Variants in CAST observed in about 807,000 individuals in gnomAD.
CAST encodes MIR583 host.
Under a neutral mutation model 119.6 loss-of-function variants are expected in CAST, and 76 were observed. The observed-to-expected ratio is 0.64, with a 90% CI of 0.53 to 0.77. The LOEUF (loss-of-function observed/expected upper bound fraction) is 0.77, where lower values mean the gene tolerates loss of function less well. Ranked by LOEUF, CAST falls within the 30% of genes least tolerant of loss-of-function variation. CAST has a pLI of 0.00. For synonymous variants in CAST, 319 were observed against 331.6 expected, an observed-to-expected ratio of 0.96 and a Z score of 0.41; for missense variants, 953 against 946.5, an observed-to-expected ratio of 1.01 and a Z score of -0.09.
the CAST span, chr5:96,247,926 A>T: frequency 6.6e-6 from 1 of 152,202 alleles, no homozygotes; most frequent in African/African-American, 2.4e-5. Flanking sequence ...GCAGAGATGC[A>T]CTGCTTGGGT....
the CAST span, among the ~76,000 whole-genome samples, chr5:96,451,222 T>A: frequency 1.1e-4 from 16 of 152,216 alleles, no homozygotes; most frequent in Non-Finnish European, 2.9e-5. Flanking sequence ...ATCTACCACC[T>A]CCATACTACT....
At chr5:96,336,356 C>T in the CAST span, among the ~76,000 whole-genome samples, 63 of 152,250 alleles carry the variant, frequency 4.1e-4, no homozygotes, top group South Asian at 2.5e-3. Context: ...ACATTAGAGC[C>T]TTCATGCTTA....
chr5:96,452,976 A>AAAAAAAAAAAGAAG, the CAST span, among the ~76,000 whole-genome samples: 21 of 142,426 alleles, frequency 1.5e-4, no homozygotes, highest in African/African-American at 6.2e-4. Flanking sequence ...AAAAAAAAAA[A>AAAAAAAAAAAGAAG]CAGAAGAAAG....
the CAST span, among the ~76,000 whole-genome samples, chr5:96,096,571 A>C: frequency 3.3e-5 from 5 of 152,304 alleles, no homozygotes; most frequent in Non-Finnish European, 7.4e-5. Context: ...TCACTACCCA[A>C]ACCTCTCTGT....
At chr5:96,456,273 G>GAAA in the CAST span, among the ~76,000 whole-genome samples, 9 of 152,136 alleles carry the variant, frequency 5.9e-5, no homozygotes, top group Admixed American at 1.3e-4. Flanking sequence ...TTTAATGCTG[G>GAAA]AAACTAAATC....
the CAST span, among the ~76,000 whole-genome samples, chr5:96,038,674 A>T: frequency 3.3e-5 from 5 of 152,076 alleles, no homozygotes; most frequent in Non-Finnish European, 5.9e-5. Context: ...TTCCAGCTTC[A>T]TCCATGTCCC....
In CAST at chr5:96,734,215, G is replaced by T. The variant is rs544123496; in HGVS notation, c.631-1957G>T. Among the ~76,000 whole-genome samples, 7 of 152,326 alleles carry T rather than the reference G, an allele frequency of 4.6e-5. 1 individual carries two copies. Among genetic ancestry groups the T allele is most frequent in the African/African-American group, 1.7e-4 (7 of 41,578 alleles). ...CACAGAGGAAGTGAATGGTGGGGCTGTAAGACCAGAAAGACAGGTTGAGCA... is the reference window on the plus strand; with the variant it reads ...CACAGAGGAAGTGAATGGTGGGGCTTTAAGACCAGAAAGACAGGTTGAGCA... On this transcript the variant is annotated intron_variant, in intron 9 of 31. Transcript: ENST00000675179.
chr5:96,680,387 A>T (rs1229867287), intron 2 of CAST, among the ~76,000 whole-genome samples: 3 of 145,990 alleles, frequency 2.1e-5, no homozygotes, highest in Non-Finnish European at 4.5e-5. Flanking sequence ...AAAGAAGAAG[A>T]AGAAAAGAAA....
intron 1 of CAST, among the ~76,000 whole-genome samples, chr5:96,580,407 A>G (rs1746749526): frequency 6.6e-6 from 1 of 152,270 alleles, no homozygotes; most frequent in Non-Finnish European, 1.5e-5. Context: ...AAAACCAAAT[A>G]GAGAACTTCG....
the CAST span, among the ~76,000 whole-genome samples, chr5:96,278,097 G>C: frequency 6.6e-6 from 1 of 152,004 alleles, no homozygotes; most frequent in South Asian, 2.1e-4. Flanking sequence ...GAGTCTGAGA[G>C]TGGGATTTAG....
chr5:96,605,416 G>A (rs1405161893), intron 1 of CAST, among the ~76,000 whole-genome samples: 2 of 152,192 alleles, frequency 1.3e-5, no homozygotes, highest in East Asian at 3.8e-4. Context: ...AGCTGATAAT[G>A]TGCAAAGCCA....
At chr5:96,511,792 C>A in the CAST span, among the ~76,000 whole-genome samples, 3 of 152,234 alleles carry the variant, frequency 2.0e-5, no homozygotes, top group African/African-American at 7.2e-5. Context: ...CAAATCAAGA[C>A]TTTGGTTCCA....
At chr5:96,505,671 C>A in the CAST span, among the ~76,000 whole-genome samples, 1 of 152,156 alleles carries the variant, frequency 6.6e-6, no homozygotes, top group East Asian at 1.9e-4. Context: ...GTGCACTGAG[C>A]CTGAAGGGGC....
At chr5:96,337,499 C>T in the CAST span, among the ~76,000 whole-genome samples, 1 of 152,154 alleles carries the variant, frequency 6.6e-6, no homozygotes, top group Non-Finnish European at 1.5e-5. Flanking sequence ...TCCGTAGTAA[C>T]ACTGGAAGTA....
In CAST at chr5:96,662,399, G is replaced by GGCAGCGGCC; in HGVS notation, c.-14_-6dup. ...CCACTCTCCGCGGCGCATTCCGGGA[G>GGCAGCGGCC]GCAGCGGCCGCAGCGGCCTCGCCAT... is the stretch of plus-strand genomic sequence containing the variant. On this transcript the variant is annotated 5_prime_UTR_variant, in exon 1 of 32. Transcript: ENST00000675179. The GGCAGCGGCC allele has an allele frequency of 4.3e-6, 6 of 1,392,446 alleles. No homozygotes were observed. Among genetic ancestry groups the GGCAGCGGCC allele is most frequent in the Middle Eastern group, 2.6e-4 (1 of 3,800 alleles). The allele number at this position is 1,392,446 out of a possible 1,614,324, so 86.3% of individuals were successfully genotyped here.
chr5:96,109,623 C>T, the CAST span, among the ~76,000 whole-genome samples: 1 of 152,088 alleles, frequency 6.6e-6, no homozygotes, highest in Non-Finnish European at 1.5e-5. Flanking sequence ...GGGTGATGTT[C>T]CCATCTGTGA....
At chr5:96,670,966 T>C (rs1277726025) in intron 1 of CAST, among the ~76,000 whole-genome samples, 1 of 152,240 alleles carries the variant, frequency 6.6e-6, no homozygotes, top group Non-Finnish European at 1.5e-5. Flanking sequence ...CTTATTGCAC[T>C]TAGCTCTTAT....
intron 1 of CAST, among the ~76,000 whole-genome samples, chr5:96,531,316 G>A (rs979206278): frequency 4.6e-5 from 7 of 152,134 alleles, no homozygotes; most frequent in Admixed American, 2.0e-4. Flanking sequence ...ACATGCCACC[G>A]GTGAAAGAAT....
intron 3 of CAST, among the ~76,000 whole-genome samples, chr5:96,708,785 C>T (rs1159205351): frequency 2.0e-5 from 3 of 152,178 alleles, no homozygotes; most frequent in Non-Finnish European, 4.4e-5. Flanking sequence ...CTACTCAACC[C>T]GAGGTGCAAA....
Sources: gnomAD v4.1 joint callset for allele counts (sites outside exome capture counted in the v4.1 genomes callset) on GRCh38, gnomAD v4.1.1 for gene constraint, MANE v1.5 for transcripts, NCBI Gene and HGNC (gene_info 2026-07-23, HGNC 2026-07-21) for gene names.